DTNBP1: variants seen among roughly 807,000 people sequenced by gnomAD.
The protein encoded by DTNBP1 is dysbindin.
Under a neutral mutation model 42.8 loss-of-function variants are expected in DTNBP1, and 35 were observed. The observed-to-expected ratio is 0.82, with a 90% CI of 0.63 to 1.09. The LOEUF is 1.09. Among genes scored for constraint, DTNBP1 ranks in the 50% least tolerant of loss-of-function variants. The pLI is 0.00. For missense variants in DTNBP1, 457 were observed against 424.2 expected (o/e 1.08, Z -0.68); for synonymous variants, 171 against 162.2 (o/e 1.05, Z -0.41).
chr6:15,555,873 A>G (rs1774484800), intron 7 of DTNBP1, among the ~76,000 whole-genome samples: 1 of 152,232 alleles, frequency 6.6e-6, no homozygotes, highest in Non-Finnish European at 1.5e-5. Flanking sequence ...TTCTTGAACA[A>G]GATCCAAGAA....
intron 6 of DTNBP1, among the ~76,000 whole-genome samples, chr6:15,604,505 A>G (rs141921322): frequency 1.3e-5 from 2 of 152,216 alleles, no homozygotes; most frequent in African/African-American, 4.8e-5. Flanking sequence ...TCCCATTCTC[A>G]GCTCCGCAAA....
At chr6:15,623,340 A>T (rs1759150823) in intron 5 of DTNBP1, among the ~76,000 whole-genome samples, 1 of 152,234 alleles carries the variant, frequency 6.6e-6, no homozygotes, top group Non-Finnish European at 1.5e-5. Flanking sequence ...ACACAAACTC[A>T]GTATACGGCT....
Position 15,615,330 on chromosome 6 carries a change from C to G in DTNBP1, c.425G>C (p.Cys142Ser). ...LLHLEDLCGQ[C>S]ELERCKHMQS... ...CATATGTTTGCATCTTTCTAATTCA[C>G]ACTGCCCACATAAGTCTTCCAGATG... The change falls in exon 6 of 10, where the codon TGT becomes TCT. Residue 142 changes from cysteine (C) to serine (S), a missense_variant. Physicochemically the swap from Cys to Ser is moderately radical, Grantham distance 112. Coordinates refer to ENST00000344537, the MANE Select transcript of DTNBP1 (RefSeq NM_032122.5). 1 of 1,614,132 alleles carries G rather than the reference C, an allele frequency of 6.2e-7. No individual in the cohort carries two copies. The highest frequency in any genetic ancestry group is 8.5e-7 in the Non-Finnish European group (1 of 1,180,016).
chr6:15,523,848 GAGA>G (rs1230756873), intron 9 of DTNBP1: 5 of 1,287,206 alleles, frequency 3.9e-6, no homozygotes, highest in Non-Finnish European at 5.1e-6. Flanking sequence ...AGAAGCGGGT[GAGA>G]AGTTTAGAGG....
At chr6:15,635,601 T>C (rs1360122133) in intron 4 of DTNBP1, among the ~76,000 whole-genome samples, 1 of 152,268 alleles carries the variant, frequency 6.6e-6, no homozygotes, top group African/African-American at 2.4e-5. Context: ...TATGTTGGGC[T>C]AACTCATATG....
At chr6:15,566,562 T>C (rs1343227598) in intron 7 of DTNBP1, among the ~76,000 whole-genome samples, 2 of 152,122 alleles carry the variant, frequency 1.3e-5, no homozygotes, top group Non-Finnish European at 2.9e-5. Context: ...CACTCCAACC[T>C]GACTCTAGCA....
chr6:15,523,116 CGAGTCGGTGCAGGTG>C lies in DTNBP1; in HGVS notation c.900_914del (p.Thr301_Ser305del). 6.2e-7 allele frequency: 1 copy of C among 1,614,134 alleles called. No individual in the cohort carries two copies. Among genetic ancestry groups the C allele is most frequent in the Non-Finnish European group, 8.5e-7 (1 of 1,180,026 alleles). The stretch of plus-strand genomic sequence containing the variant: ...CACCCTCACTGATGTCCCGGGTGGC[CGAGTCGGTGCAGGTG>C]GAGGAAGAAGAAGGTGGCTTGGCTC... On this transcript the variant is annotated inframe_deletion, in exon 10 of 10. Transcript: ENST00000344537.
At chr6:15,585,819 G>A in intron 7 of DTNBP1, 1 of 1,507,164 alleles carries the variant, frequency 6.6e-7, no homozygotes, top group Non-Finnish European at 8.9e-7. Context: ...GAAGCCTCCA[G>A]TTACCAGGCA....
intron 7 of DTNBP1, among the ~76,000 whole-genome samples, chr6:15,544,778 A>C (rs1387675636): frequency 1.3e-5 from 2 of 152,204 alleles, no homozygotes; most frequent in Non-Finnish European, 2.9e-5. Context: ...TTCTAGTCCC[A>C]AGTATTTCAG....
At chr6:15,548,327 T>C (rs541110022) in intron 7 of DTNBP1, 3 of 152,302 alleles carry the variant, frequency 2.0e-5, no homozygotes, top group East Asian at 1.9e-4. Flanking sequence ...AAAAGCGTTC[T>C]ACCTGCTATG....
chr6:15,565,988 C>T (rs1775054855), intron 7 of DTNBP1, among the ~76,000 whole-genome samples: 1 of 152,144 alleles, frequency 6.6e-6, no homozygotes, highest in Non-Finnish European at 1.5e-5. Context: ...AAGAGGCAGC[C>T]TCATGCAGTA....
At chr6:15,607,777 A>T (rs1040685634) in intron 6 of DTNBP1, among the ~76,000 whole-genome samples, 1 of 116,808 alleles carries the variant, frequency 8.6e-6, no homozygotes, top group African/African-American at 4.1e-5. Flanking sequence ...TGTTATATGG[A>T]ATTAATTAAA....
intron 7 of DTNBP1, among the ~76,000 whole-genome samples, chr6:15,541,612 T>C (rs891178147): frequency 2.0e-5 from 3 of 152,296 alleles, no homozygotes; most frequent in African/African-American, 7.2e-5. Flanking sequence ...ACCTCAGGCC[T>C]ATGTCTTTTT....
intron 7 of DTNBP1, among the ~76,000 whole-genome samples, chr6:15,575,262 G>A (rs1170837686): frequency 6.6e-6 from 1 of 152,166 alleles, no homozygotes; most frequent in Non-Finnish European, 1.5e-5. Flanking sequence ...GTTATTTAGG[G>A]TGTAATACAA....
intron 7 of DTNBP1, among the ~76,000 whole-genome samples, chr6:15,566,316 A>G (rs957426633): frequency 1.1e-4 from 10 of 89,880 alleles, no homozygotes; most frequent in African/African-American, 5.0e-4. Context: ...CTCCGTCTCA[A>G]AAAAAAAAAA....
chr6:15,606,276 T>A (rs893804800), intron 6 of DTNBP1, among the ~76,000 whole-genome samples: 2 of 152,238 alleles, frequency 1.3e-5, no homozygotes, highest in Admixed American at 1.3e-4. Flanking sequence ...AGGAATGTAT[T>A]CTCTCTGCTG....
intron 7 of DTNBP1, among the ~76,000 whole-genome samples, chr6:15,577,064 A>C (rs1012999120): frequency 1.3e-5 from 2 of 152,260 alleles, no homozygotes; most frequent in Non-Finnish European, 2.9e-5. Flanking sequence ...ATACAAAGTA[A>C]AATGTGGAGA....
chr6:15,635,366 G>A (rs1413439918), intron 4 of DTNBP1, among the ~76,000 whole-genome samples: 2 of 152,078 alleles, frequency 1.3e-5, no homozygotes, highest in Admixed American at 1.3e-4. Flanking sequence ...TGATCCACCC[G>A]CCTCAGCCTC....
At chr6:15,541,683 C>G (rs144889718) in intron 7 of DTNBP1, among the ~76,000 whole-genome samples, 1 of 152,118 alleles carries the variant, frequency 6.6e-6, no homozygotes, top group African/African-American at 2.4e-5. Flanking sequence ...TTAGTTACCA[C>G]TATCAATTTC....
Sources: gnomAD v4.1 joint callset for allele counts (sites outside exome capture counted in the v4.1 genomes callset) on GRCh38, gnomAD v4.1.1 for gene constraint, MANE v1.5 for transcripts, NCBI Gene and HGNC (gene_info 2026-07-23, HGNC 2026-07-21) for gene names.